Variants in EPC2 observed in about 807,000 individuals in gnomAD.
The protein encoded by EPC2 is enhancer of polycomb homolog 2.
EPC2 carries 14 observed loss-of-function variants against 92.1 expected under a neutral mutation model. The observed-to-expected ratio is 0.15, with a 90% confidence interval of 0.10 to 0.24. EPC2 has a LOEUF of 0.24. Ranked by LOEUF, EPC2 falls within the 10% of genes least tolerant of loss-of-function variation. The pLI is 1.00. For synonymous variants in EPC2, 340 were observed against 334.7 expected (o/e 1.02, Z -0.17); for missense variants, 755 against 971.5 (o/e 0.78, Z 2.96).
chr2:148,650,907 G>A (rs911414113), intron 1 of EPC2, among the ~76,000 whole-genome samples: 1 of 152,128 alleles, frequency 6.6e-6, no homozygotes, highest in African/African-American at 2.4e-5. Context: ...GTATGTGTAA[G>A]GCCGTGTACT....
At chr2:148,733,479 A>ATTTTTTTTTTTTTTTTTTTTTTTTTTTT (rs34219179) in intron 2 of EPC2, among the ~76,000 whole-genome samples, 1 of 26,680 alleles carries the variant, frequency 3.7e-5, no homozygotes, top group African/African-American at 1.3e-4. Flanking sequence ...CTCTCTCTGG[A>ATTTTTTTTTTTTTTTTTTTTTTTTTTTT]TTTTTTTTTT....
rs542234731 is a variant in EPC2, at chr2:148,780,924, C to T, written c.1721-720C>T. 3.3e-5 allele frequency among the ~76,000 whole-genome samples: 5 copies of T among 152,196 alleles called. No homozygotes were observed. In the East Asian group the frequency reaches 9.6e-4, roughly 29 times the overall value. ...TCTTTGAGAAAAGTGGTTTCTGTAA[C>T]TTAGCTGATTTTTTCAACAAAAGTT... On this transcript the variant is annotated intron_variant, in intron 10 of 13. Coordinates refer to ENST00000258484, the MANE Select transcript of EPC2 (RefSeq NM_015630.4).
intron 2 of EPC2, among the ~76,000 whole-genome samples, chr2:148,695,747 A>T (rs568474347): frequency 6.6e-6 from 1 of 152,358 alleles, no homozygotes; most frequent in South Asian, 2.1e-4. Context: ...GCATTCCAGG[A>T]ACATCATTTT....
chr2:148,741,738 A>G (rs929124714), intron 2 of EPC2, among the ~76,000 whole-genome samples: 4 of 152,142 alleles, frequency 2.6e-5, no homozygotes, highest in Admixed American at 6.5e-5. Context: ...AATTTGTGGC[A>G]CTTTAGTTTT....
intron 4 of EPC2, among the ~76,000 whole-genome samples, chr2:148,760,867 G>T (rs1325967557): frequency 6.6e-6 from 1 of 151,876 alleles, no homozygotes; most frequent in East Asian, 1.9e-4. Context: ...TATTCCTTAG[G>T]TTCTTTCTAA....
At chr2:148,735,577 C>G (rs950951368) in intron 2 of EPC2, among the ~76,000 whole-genome samples, 1 of 151,840 alleles carries the variant, frequency 6.6e-6, no homozygotes, top group Admixed American at 6.6e-5. Flanking sequence ...AATGAACGGT[C>G]ATATACTACT....
At chr2:148,740,448 A>G (rs930173932) in intron 2 of EPC2, among the ~76,000 whole-genome samples, 1 of 152,148 alleles carries the variant, frequency 6.6e-6, no homozygotes. Flanking sequence ...AAATGGTAGT[A>G]TAGAATACTT....
intron 1 of EPC2, among the ~76,000 whole-genome samples, chr2:148,688,014 T>G (rs1196350284): frequency 6.6e-6 from 1 of 152,188 alleles, no homozygotes; most frequent in African/African-American, 2.4e-5. Flanking sequence ...AACTTTTCTT[T>G]TTGGATCACT....
At chr2:148,781,097 C>T (rs1305999583) in intron 10 of EPC2, among the ~76,000 whole-genome samples, 3 of 152,094 alleles carry the variant, frequency 2.0e-5, no homozygotes, top group Admixed American at 6.6e-5. Flanking sequence ...TTACTTTAGG[C>T]GTTGAATCTA....
chr2:148,666,128 GTGT>G (rs937433216), intron 1 of EPC2, among the ~76,000 whole-genome samples: 9 of 152,106 alleles, frequency 5.9e-5, no homozygotes, highest in Admixed American at 1.3e-4. Flanking sequence ...ACCAGTTTTT[GTGT>G]TGTTGTTTTT....
chr2:148,705,213 A>C (rs917402284), intron 2 of EPC2, among the ~76,000 whole-genome samples: 2 of 152,172 alleles, frequency 1.3e-5, no homozygotes, highest in African/African-American at 4.8e-5. Context: ...CAAACAGTAC[A>C]TCTGGCCTTA....
chr2:148,781,799 C>T lies in EPC2; in HGVS notation c.1857+19C>T, dbSNP rs1395985675. The T allele has an allele frequency of 2.5e-6, 4 of 1,612,422 alleles. No homozygotes were observed. Among genetic ancestry groups the T allele is most frequent in the Admixed American group, 3.3e-5 (2 of 59,778 alleles). On this transcript the variant is annotated intron_variant, in intron 11 of 13. Coordinates refer to ENST00000258484, the MANE Select transcript of EPC2 (RefSeq NM_015630.4). Reference sequence around the variant, plus strand: ...AGCACAGGTAAACTGCTCTTTTCGTCATAGTTACGTTTGTTTCTTTCATCA... The same window carrying T: ...AGCACAGGTAAACTGCTCTTTTCGTTATAGTTACGTTTGTTTCTTTCATCA...
intron 1 of EPC2, among the ~76,000 whole-genome samples, chr2:148,681,694 T>G (rs1268751995): frequency 6.6e-6 from 1 of 151,708 alleles, no homozygotes; most frequent in African/African-American, 2.4e-5. Flanking sequence ...AAATGACTGG[T>G]TAGGTTTGTT....
chr2:148,777,422 G>C (rs527853881), intron 10 of EPC2, among the ~76,000 whole-genome samples: 15 of 152,176 alleles, frequency 9.9e-5, no homozygotes, highest in East Asian at 1.9e-4. Flanking sequence ...AAAAACAAAG[G>C]CACAAGCACA....
At chr2:148,744,808 A>G (rs182750425) in intron 3 of EPC2, among the ~76,000 whole-genome samples, 17 of 141,112 alleles carry the variant, frequency 1.2e-4, no homozygotes, top group Admixed American at 6.9e-4. Flanking sequence ...TAACATTCTA[A>G]GAAGTTAGAG....
intron 7 of EPC2, among the ~76,000 whole-genome samples, chr2:148,766,078 A>T (rs148137170): frequency 6.6e-6 from 1 of 151,922 alleles, no homozygotes; most frequent in Admixed American, 6.6e-5. Context: ...TTTTTTTTTT[A>T]AATATTGTGT....
chr2:148,663,193 T>TA (rs1559140910), intron 1 of EPC2, among the ~76,000 whole-genome samples: 3 of 98,636 alleles, frequency 3.0e-5, no homozygotes. Flanking sequence ...ACTGTGTTTT[T>TA]GTATTATTAT....
In EPC2 at chr2:148,649,311, T is replaced by C. The variant is rs114958162; in HGVS notation, c.153+4141T>C. On this transcript the variant is annotated intron_variant, in intron 1 of 13. Transcript: ENST00000258484. ...AACAAGATATAGAACATTTCCAACA[T>C]TGGAGAAGTTCCCTTGTGCTCCTTT... 7.1e-3 allele frequency among the ~76,000 whole-genome samples: 1,086 copies of C among 152,336 alleles called. 6 individuals are homozygous for C. The highest frequency in any genetic ancestry group is 0.025 in the African/African-American group (1,020 of 41,562).
chr2:148,755,206 C>T (rs1683162921), intron 4 of EPC2, among the ~76,000 whole-genome samples: 2 of 152,076 alleles, frequency 1.3e-5, no homozygotes, highest in South Asian at 4.2e-4. Flanking sequence ...CATTCCCTAA[C>T]CCAGACTTGA....
Sources: gnomAD v4.1 joint callset for allele counts (sites outside exome capture counted in the v4.1 genomes callset) on GRCh38, gnomAD v4.1.1 for gene constraint, MANE v1.5 for transcripts, NCBI Gene and HGNC (gene_info 2026-07-23, HGNC 2026-07-21) for gene names.